The following HIBADH variants were observed in gnomAD, a reference collection of about 807,000 sequenced individuals.
The protein encoded by HIBADH is 3-hydroxyisobutyrate dehydrogenase.
In HIBADH, 25 loss-of-function variants were observed where a neutral mutation model predicts 36.1. The observed-to-expected ratio is 0.69, with a 90% CI of 0.50 to 0.97. The LOEUF is 0.97. Among genes scored for constraint, HIBADH ranks in the 50% least tolerant of loss-of-function variants. The pLI, the probability that HIBADH is intolerant of heterozygous loss-of-function variation, is 0.00. For missense variants in HIBADH, 421 were observed against 418.0 expected, an observed-to-expected ratio of 1.01 and a Z score of -0.06; for synonymous variants, 160 against 149.5, an observed-to-expected ratio of 1.07 and a Z score of -0.51.
intron 4 of HIBADH, among the ~76,000 whole-genome samples, chr7:27,605,874 C>T (rs1191901865): frequency 1.3e-5 from 2 of 152,078 alleles, no homozygotes; most frequent in Non-Finnish European, 2.9e-5. Flanking sequence ...GGATGCAATG[C>T]CACCTGGTGG....
intron 4 of HIBADH, among the ~76,000 whole-genome samples, chr7:27,558,316 A>G (rs2128186419): frequency 2.6e-5 from 4 of 152,124 alleles, no homozygotes; most frequent in Admixed American, 2.6e-4. Context: ...ATTGAGTTTT[A>G]GAGGATCTGC....
At chr7:27,652,413 G>T (rs372882290) in intron 1 of HIBADH, among the ~76,000 whole-genome samples, 5 of 152,158 alleles carry the variant, frequency 3.3e-5, no homozygotes, top group African/African-American at 1.2e-4. Flanking sequence ...CAAGAGAAAT[G>T]ACAGATGAGA....
At chr7:27,589,616 C>A (rs546446075) in intron 4 of HIBADH, among the ~76,000 whole-genome samples, 1 of 152,254 alleles carries the variant, frequency 6.6e-6, no homozygotes, top group East Asian at 1.9e-4. Flanking sequence ...CACTATGCAT[C>A]AGAGAAAGTG....
chr7:27,547,228 C>T (rs1170839328), intron 4 of HIBADH, among the ~76,000 whole-genome samples: 1 of 152,146 alleles, frequency 6.6e-6, no homozygotes, highest in African/African-American at 2.4e-5. Flanking sequence ...ACTTGCTATT[C>T]CTTTTGCCTG....
chr7:27,597,446 T>TA lies in HIBADH; in HGVS notation c.484+31924dup, dbSNP rs11289715. 2.3e-3 allele frequency among the ~76,000 whole-genome samples: 346 copies of TA among 148,090 alleles called. 4 individuals carry two copies. The highest frequency in any genetic ancestry group is 0.014 in the Admixed American group (207 of 14,884). The stretch of plus-strand genomic sequence containing the variant: ...AGCTCCGAGCTTCCCATAGACTCAG[T>TA]AAAAAAAAAAAAACAATCATGATGC... On this transcript the variant is annotated intron_variant, in intron 4 of 7. Coordinates refer to ENST00000265395, the MANE Select transcript of HIBADH (RefSeq NM_152740.4).
At chr7:27,580,393 G>T (rs1008244391) in intron 4 of HIBADH, among the ~76,000 whole-genome samples, 1 of 152,142 alleles carries the variant, frequency 6.6e-6, no homozygotes, top group African/African-American at 2.4e-5. Flanking sequence ...AAAAATCTCA[G>T]TTCCCAATAA....
chr7:27,532,518 G>C (rs948457530), intron 6 of HIBADH, among the ~76,000 whole-genome samples: 2 of 152,144 alleles, frequency 1.3e-5, no homozygotes, highest in Non-Finnish European at 2.9e-5. Context: ...CTAGAGCAGG[G>C]GGCTGAGGCT....
At chr7:27,536,038 G>A (rs1784065855) in intron 6 of HIBADH, among the ~76,000 whole-genome samples, 1 of 152,086 alleles carries the variant, frequency 6.6e-6, no homozygotes. Flanking sequence ...CCATTTTGAT[G>A]CTATACTACT....
At chr7:27,531,063 TGA>T (rs1177719550) in intron 7 of HIBADH, 127 bp downstream of exon 7, 1 of 865,740 alleles carries the variant, frequency 1.2e-6, no homozygotes, top group Non-Finnish European at 1.8e-6. Flanking sequence ...TCATTTTCAG[TGA>T]GAGTGAATAT....
At chr7:27,618,288 G>T (rs762112993) in intron 4 of HIBADH, among the ~76,000 whole-genome samples, 1 of 152,186 alleles carries the variant, frequency 6.6e-6, no homozygotes, top group Non-Finnish European at 1.5e-5. Flanking sequence ...TCCATGCTAA[G>T]GCTCACATGC....
In HIBADH at chr7:27,526,234, G is replaced by C. The variant is rs139457479; in HGVS notation, c.991C>G (p.Arg331Gly). Residue 331 changes from arginine (R) to glycine (G), a missense_variant, in exon 8 of 8, where the codon CGA (arginine) becomes GGA (glycine). Transcript: ENST00000265395. The part of the protein sequence containing the change: ...KDFSSVFQFL[R>G]EEETF ...CACACTCAGAAGGTCTCCTCCTCTCGTAGGAACTGGAACACGGATGAGAAG... is the reference window on the plus strand; with the variant it reads ...CACACTCAGAAGGTCTCCTCCTCTCCTAGGAACTGGAACACGGATGAGAAG... 83 of 1,610,978 alleles carry C rather than the reference G, an allele frequency of 5.2e-5. No homozygotes were observed. Among genetic ancestry groups the C allele is most frequent in the Admixed American group, 6.7e-5 (4 of 59,598 alleles).
chr7:27,567,535 C>T (rs1046236945), intron 4 of HIBADH, among the ~76,000 whole-genome samples: 8 of 152,086 alleles, frequency 5.3e-5, no homozygotes, highest in African/African-American at 1.4e-4. Context: ...TGCTTGTCCA[C>T]TATGTTTTTA....
intron 4 of HIBADH, among the ~76,000 whole-genome samples, chr7:27,562,544 T>G (rs1232816854): frequency 6.6e-6 from 1 of 152,234 alleles, no homozygotes; most frequent in East Asian, 1.9e-4. Flanking sequence ...CACACTGATG[T>G]GCAGTGGTGC....
intron 4 of HIBADH, among the ~76,000 whole-genome samples, chr7:27,613,464 T>C (rs926137653): frequency 2.0e-5 from 3 of 151,398 alleles, no homozygotes; most frequent in African/African-American, 7.3e-5. Context: ...TTAAAGAATA[T>C]GTACTAAGGA....
At chr7:27,621,175 T>C (rs1361746769) in intron 4 of HIBADH, among the ~76,000 whole-genome samples, 1 of 152,122 alleles carries the variant, frequency 6.6e-6, no homozygotes, top group East Asian at 1.9e-4. Flanking sequence ...TCCAGCAAGA[T>C]GATATAACAA....
intron 2 of HIBADH, among the ~76,000 whole-genome samples, chr7:27,640,034 A>G (rs1433481865): frequency 6.6e-6 from 1 of 152,204 alleles, no homozygotes; most frequent in Non-Finnish European, 1.5e-5. Context: ...GAGAGACGTA[A>G]GCATAGGACT....
chr7:27,532,232 G>GA (rs1308354812), intron 6 of HIBADH, among the ~76,000 whole-genome samples: 1 of 152,200 alleles, frequency 6.6e-6, no homozygotes, highest in East Asian at 1.9e-4. Flanking sequence ...AGGTATCACT[G>GA]AATCAAGTTT....
chr7:27,594,772 A>G (rs1045398888), intron 4 of HIBADH, among the ~76,000 whole-genome samples: 9 of 152,198 alleles, frequency 5.9e-5, no homozygotes, highest in Non-Finnish European at 1.2e-4. Context: ...CAACAATGAG[A>G]TATCAACAGA....
intron 4 of HIBADH, among the ~76,000 whole-genome samples, chr7:27,586,551 T>C (rs1473221150): frequency 6.6e-6 from 1 of 151,950 alleles, no homozygotes; most frequent in Non-Finnish European, 1.5e-5. Flanking sequence ...ATCAATACTC[T>C]AAAAGCATAA....
Sources: allele counts gnomAD v4.1 joint callset (sites outside exome capture counted in the v4.1 genomes callset), GRCh38; gene constraint gnomAD v4.1.1; transcripts MANE v1.5; gene names NCBI Gene and HGNC (gene_info 2026-07-23, HGNC 2026-07-21).